CNOT1: variants seen among roughly 807,000 people sequenced by gnomAD.
CNOT1 encodes CCR4-NOT transcription complex subunit 1.
A neutral mutation model predicts 273.8 loss-of-function variants in CNOT1; 15 were observed. That is an observed-to-expected ratio of 0.05 (90% confidence interval 0.04 to 0.08). The LOEUF (loss-of-function observed/expected upper bound fraction) is 0.08. Among genes scored for constraint, CNOT1 ranks in the 10% least tolerant of loss-of-function variants. The pLI is 1.00. For missense variants in CNOT1, 1,644 were observed against 2,912.2 expected, an observed-to-expected ratio of 0.56 and a Z score of 10.02; for synonymous variants, 1,022 against 1,005.5, an observed-to-expected ratio of 1.02 and a Z score of -0.31.
At chr16:58,546,573 G>T in intron 28 of CNOT1, 75 bp from the exon 29 acceptor site, 5 of 1,604,374 alleles carry the variant, frequency 3.1e-6, no homozygotes, top group Non-Finnish European at 4.3e-6. Context: ...TCTACTTTCA[G>T]TTATTATAGT....
In CNOT1 at chr16:58,555,442, A is replaced by T; in HGVS notation, c.2700T>A (p.Arg900=). 1.2e-6 allele frequency: 2 copies of T among 1,614,168 alleles called. 1 individual carries two copies. Among genetic ancestry groups the T allele is most frequent in the South Asian group, 2.2e-5 (2 of 91,090 alleles). The change falls in exon 21 of 49, where the codon CGT becomes CGA. Residue 900 remains arginine (R), a synonymous_variant. Coordinates refer to ENST00000317147, the MANE Select transcript of CNOT1 (RefSeq NM_016284.5). ...CTTTATCAGGATACTGGGGAAAAAA[A>T]CGATATTCTTCAAACAAGTTCCTTA... ...CMLRNLFEEY[R]FFPQYPDKEL...
chr16:58,621,769 A>C (rs1362837329), intron 1 of CNOT1, among the ~76,000 whole-genome samples: 1 of 149,050 alleles, frequency 6.7e-6, no homozygotes, highest in Admixed American at 6.7e-5. Flanking sequence ...AATACAAAAA[A>C]CAAATTAGCC....
At position 58,546,518 on chromosome 16, in the gene CNOT1, G is replaced by C; in HGVS notation, c.3829-20C>G. 1.2e-6 allele frequency: 2 copies of C among 1,602,112 alleles called. No individual in the cohort carries two copies. Among genetic ancestry groups the C allele is most frequent in the African/African-American group, 1.4e-5 (1 of 74,000 alleles). ...GTTTAACTGCACAGTTCCAGAGTTG[G>C]ATTAGAATTTTTAAAAGAAAACTTT... On this transcript the variant is annotated intron_variant, in intron 28 of 48. Coordinates refer to ENST00000317147, the MANE Select transcript of CNOT1 (RefSeq NM_016284.5).
Position 58,547,677 on chromosome 16 carries a change from G to A in CNOT1, c.3528C>T (p.Leu1176=), listed in dbSNP as rs1253905457. Residue 1176 remains leucine, a synonymous_variant, in exon 26 of 49, where the codon CTC becomes CTT. Transcript: ENST00000317147. The surrounding 1 kb of genome is among the most constrained non-coding windows in gnomAD (Gnocchi z 4.0). ...TGGCTGCAGCTTTATCAGAGGTCAG[G>A]AGCACCTGAAATAGTGTAAGATTAA... The part of the protein sequence containing the change: ...LNETYRNIKV[L]LTSDKAAANF... The A allele has an allele frequency of 2.5e-6, 4 of 1,612,860 alleles. No individual in the cohort carries two copies. Among genetic ancestry groups the A allele is most frequent in the Non-Finnish European group, 3.4e-6 (4 of 1,179,510 alleles).
chr16:58,572,024 C>G (rs2041291544), intron 16 of CNOT1, among the ~76,000 whole-genome samples: 1 of 152,066 alleles, frequency 6.6e-6, no homozygotes, highest in Non-Finnish European at 1.5e-5. Flanking sequence ...TGGTTCACAC[C>G]TGTAATCTCA....
intron 38 of CNOT1, 25 bp downstream of exon 38, chr16:58,537,866 G>A: frequency 6.2e-7 from 1 of 1,611,846 alleles, no homozygotes; most frequent in Non-Finnish European, 8.5e-7. Flanking sequence ...AAATGCACAG[G>A]GATCTCAAAG....
At position 58,576,459 on chromosome 16, in the gene CNOT1, T is replaced by C; in HGVS notation, c.1704+4A>G. 2 of 1,613,978 alleles carry C rather than the reference T, an allele frequency of 1.2e-6. No individual in the cohort carries two copies. Among genetic ancestry groups the C allele is most frequent in the South Asian group, 1.1e-5 (1 of 91,082 alleles). ...CTGGTGTCAGTCTGTCCCTCTGAACTCACCTTCAAGTCCTGGGCCACATCA... is the reference window on the plus strand; with the variant it reads ...CTGGTGTCAGTCTGTCCCTCTGAACCCACCTTCAAGTCCTGGGCCACATCA... On this transcript the variant is annotated splice_donor_region_variant and intron_variant, in intron 14 of 48. Transcript: ENST00000317147.
Position 58,542,471 on chromosome 16 carries a change from G to A in CNOT1, c.4532C>T (p.Ala1511Val). The change falls in exon 32 of 49, where the codon GCA becomes GTA. Residue 1511 changes from alanine to valine, a missense_variant. Ala to Val is a moderately conservative substitution (Grantham distance 64). Around this residue, in one of 13 missense-constraint regions of CNOT1, gnomAD observed 133 missense variants for 230.4 expected, o/e 0.58. Transcript: ENST00000317147. ...ELACCFIQKT[A>V]VEKAGPEMDK... ...CATCTCAGGGCCTGCTTTTTCTACT[G>A]CAGTCTTCTGAATAAAACAGCAAGC... The A allele has an allele frequency of 6.2e-7, 1 of 1,613,414 alleles. No homozygotes were observed. Among genetic ancestry groups the A allele is most frequent in the Non-Finnish European group, 8.5e-7 (1 of 1,179,964 alleles).
At chr16:58,532,656 T>C in intron 40 of CNOT1, 1 of 455,982 alleles carries the variant, frequency 2.2e-6, no homozygotes, top group Non-Finnish European at 3.7e-6. Flanking sequence ...ATGGTTCTTC[T>C]TCAGCTCTAG....
intron 1 of CNOT1, among the ~76,000 whole-genome samples, chr16:58,620,156 C>T (rs1439316827): frequency 2.0e-5 from 3 of 152,128 alleles, no homozygotes; most frequent in Non-Finnish European, 4.4e-5. Flanking sequence ...TGTATATATG[C>T]ACTGGGGAAA....
At chr16:58,584,315 C>T (rs372865459) in intron 8 of CNOT1, among the ~76,000 whole-genome samples, 3 of 151,930 alleles carry the variant, frequency 2.0e-5, no homozygotes, top group Non-Finnish European at 2.9e-5. Context: ...CTTGAAAATC[C>T]ATCCTAACTT....
At chr16:58,617,308 C>A (rs1466979966) in intron 1 of CNOT1, among the ~76,000 whole-genome samples, 1 of 151,894 alleles carries the variant, frequency 6.6e-6, no homozygotes, top group Non-Finnish European at 1.5e-5. Context: ...CTACAGTGAG[C>A]CATGATTGCA....
At chr16:58,623,985 C>T (rs1404591944) in intron 1 of CNOT1, among the ~76,000 whole-genome samples, 5 of 150,796 alleles carry the variant, frequency 3.3e-5, no homozygotes, top group African/African-American at 1.2e-4. Context: ...GCCAAGACTC[C>T]GGCTCCAAAA....
At position 58,574,946 on chromosome 16, in the gene CNOT1, T is replaced by C. The variant is rs1012019419; in HGVS notation, c.1827+61A>G. The C allele has an allele frequency of 6.3e-6, 10 of 1,594,158 alleles. No individual in the cohort carries two copies. In the African/African-American group the frequency reaches 1.4e-4, roughly 22 times the overall value. ...GCTGCACAAATTTTAAAAGTTGTACTTGATAGCCATTTTAGCCACCAAAAT... is the reference window on the plus strand; with the variant it reads ...GCTGCACAAATTTTAAAAGTTGTACCTGATAGCCATTTTAGCCACCAAAAT... On this transcript the variant is annotated intron_variant, in intron 15 of 48. Coordinates refer to ENST00000317147, the MANE Select transcript of CNOT1 (RefSeq NM_016284.5).
In CNOT1 at chr16:58,543,862, C is replaced by T. The variant is rs1292755654; in HGVS notation, c.4179G>A (p.Val1393=). 9 of 1,613,782 alleles carry T rather than the reference C, an allele frequency of 5.6e-6. No homozygotes were observed. The highest frequency in any genetic ancestry group is 7.6e-6 in the Non-Finnish European group (9 of 1,179,860). ...FQAHPQLKQC[V]RQAIERAVQE... The stretch of plus-strand genomic sequence containing the variant: ...GGACAGCCCGTTCAATTGCCTGACG[C>T]ACACACTGCTTCAACTGTGGATGGG... Residue 1393 remains valine (V), a synonymous_variant, in exon 31 of 49, where the codon GTG becomes GTA. Coordinates refer to ENST00000317147, the MANE Select transcript of CNOT1 (RefSeq NM_016284.5).
At chr16:58,552,213 T>C (rs2040473254) in intron 22 of CNOT1, among the ~76,000 whole-genome samples, 1 of 151,948 alleles carries the variant, frequency 6.6e-6, no homozygotes, top group Non-Finnish European at 1.5e-5. Context: ...TATGAGTTAT[T>C]ATCACAATAA....
chr16:58,588,831 C>T lies in CNOT1; in HGVS notation c.178G>A (p.Asp60Asn), dbSNP rs746624822. 2.5e-6 allele frequency: 4 copies of T among 1,613,978 alleles called. No homozygotes were observed. The highest frequency in any genetic ancestry group is 3.4e-6 in the Non-Finnish European group (4 of 1,179,984). Residue 60 changes from aspartate (D) to asparagine (N), a missense_variant, in exon 3 of 49, where the codon GAT becomes AAT. Asp to Asn is a conservative substitution (Grantham distance 23, BLOSUM62 1). Around this residue, in one of 13 missense-constraint regions of CNOT1, gnomAD observed 706 missense variants for 1,021.2 expected, o/e 0.69. Coordinates refer to ENST00000317147, the MANE Select transcript of CNOT1 (RefSeq NM_016284.5). Reference protein sequence around the residue: ...CLFSHVDFSGDGKSSGKDFHQ... With the variant: ...CLFSHVDFSGNGKSSGKDFHQ... ...AAATCTTTGCCACTGCTTTTACCAT[C>T]GCCACTGAAATCCACATGCGAAAAT... is the stretch of plus-strand genomic sequence containing the variant.
intron 42 of CNOT1, chr16:58,530,652 C>G: frequency 5.6e-6 from 1 of 179,726 alleles, no homozygotes; most frequent in Non-Finnish European, 1.2e-5. Flanking sequence ...GGCGAGGTGG[C>G]GGGCACCTAT....
chr16:58,536,229 A>G (rs1232794151), intron 39 of CNOT1, among the ~76,000 whole-genome samples: 2 of 152,172 alleles, frequency 1.3e-5, no homozygotes, highest in African/African-American at 4.8e-5. Context: ...AAAAAATTAC[A>G]ACAGTTCTAA....
Sources: allele counts gnomAD v4.1 joint callset (sites outside exome capture counted in the v4.1 genomes callset), GRCh38; gene constraint gnomAD v4.1.1; regional missense constraint gnomAD v4.1.1; non-coding constraint Gnocchi (gnomAD v3.1); transcripts MANE v1.5; gene names NCBI Gene and HGNC (gene_info 2026-07-23, HGNC 2026-07-21).